The following HOXC12 variants were observed in gnomAD, a reference collection of about 807,000 sequenced individuals.
HOXC12 encodes the protein homeobox protein Hox-C12.
In HOXC12, 24 loss-of-function variants were observed where a neutral mutation model predicts 20.9. The ratio of observed to expected loss-of-function variants is 1.15; its 90% CI spans 0.83 to 1.61. HOXC12 has a LOEUF of 1.61. Ranked by LOEUF, HOXC12 falls within the 40% of genes most tolerant of loss-of-function variation. The pLI is 0.00. For missense variants in HOXC12, 436 were observed against 406.9 expected, an observed-to-expected ratio of 1.07 and a Z score of -0.62; for synonymous variants, 202 against 197.7, an observed-to-expected ratio of 1.02 and a Z score of -0.18.
rs779026401 is a variant in HOXC12 at position 53,955,232 on chromosome 12, G to A, written c.303G>A (p.Glu101=). ...GKGYYREPCA[E]GGGGGLKREE... ...GTTACTACCGCGAGCCGTGCGCCGA[G>A]GGTGGCGGCGGGGGCCTGAAGCGTG... Residue 101 remains glutamate, a synonymous_variant, in exon 1 of 2, where the codon GAG becomes GAA. Transcript: ENST00000243103. 6 of 1,590,668 alleles carry A rather than the reference G, an allele frequency of 3.8e-6. No individual in the cohort carries two copies. Among genetic ancestry groups the A allele is most frequent in the Non-Finnish European group, 5.1e-6 (6 of 1,169,432 alleles).
Position 53,955,468 on chromosome 12 carries a change from A to G in HOXC12, c.539A>G (p.Lys180Arg). Residue 180 changes from lysine to arginine, a missense_variant, in exon 1 of 2, where the codon AAG (lysine) becomes AGG (arginine). Transcript: ENST00000243103. Reference protein sequence around the residue: ...SSSSLLNEGNKGAGAGDPGSL... With the variant: ...SSSSLLNEGNRGAGAGDPGSL... ...TCGTCCCTGCTCAACGAGGGCAACA[A>G]GGGCGCCGGCGCAGGCGACCCCGGC... The G allele has an allele frequency of 6.6e-7, 1 of 1,505,478 alleles. No homozygotes were observed. Among genetic ancestry groups the G allele is most frequent in the Non-Finnish European group, 8.8e-7 (1 of 1,133,418 alleles). 93.3% of individuals were successfully genotyped at this position (1,505,478 alleles called of 1,614,324 possible).
At position 53,956,369 on chromosome 12, in the gene HOXC12, C is replaced by A. The variant is rs771326878; in HGVS notation, c.652C>A (p.Arg218Ser). ...YPINSRSRKK[R>S]KPYSKLQLAE... is the part of the protein sequence containing the mutation. ...GATCAACAGCCGCTCTCGGAAGAAG[C>A]GCAAGCCCTATTCGAAGTTGCAACT... Residue 218 changes from arginine (R) to serine (S), a missense_variant, in exon 2 of 2, where the codon CGC (arginine) becomes AGC (serine). By Grantham distance (110) the Arg-to-Ser change is moderately radical. Transcript: ENST00000243103. 1.9e-6 allele frequency: 3 copies of A among 1,610,080 alleles called. No homozygotes were observed. The highest frequency in any genetic ancestry group is 1.1e-5 in the South Asian group (1 of 90,446).
At position 53,957,367 on chromosome 12, in the gene HOXC12, G is replaced by T. The variant is rs1403822843; in HGVS notation, c.*801G>T. 1.3e-5 allele frequency: 2 copies of T among 152,384 alleles called. No homozygotes were observed. The highest frequency in any genetic ancestry group is 1.9e-4 in the East Asian group (1 of 5,194). The allele number at this position is 152,384 out of a possible 1,614,324, so 9.4% of individuals were successfully genotyped here. On this transcript the variant is annotated 3_prime_UTR_variant, in exon 2 of 2. Coordinates refer to ENST00000243103, the MANE Select transcript of HOXC12 (RefSeq NM_173860.3). The stretch of plus-strand genomic sequence containing the variant: ...CATCCACTCCTCCGTTGCCTGCGGT[G>T]GCTGCAGGCCTGATGCAGCAAGCAG...
Position 53,955,380 on chromosome 12 carries a change from G to C in HOXC12, c.451G>C (p.Gly151Arg). The C allele has an allele frequency of 6.8e-7, 1 of 1,465,262 alleles. No individual in the cohort carries two copies. The allele number at this position is 1,465,262 out of a possible 1,614,324, so 90.8% of individuals were successfully genotyped here. ...GGCGGGCGGCGGCGGTGGCGACGGCGGCGGCGGCGCAGGACCTCCGCACGA... is the reference window on the plus strand; with the variant it reads ...GGCGGGCGGCGGCGGTGGCGACGGCCGCGGCGGCGCAGGACCTCCGCACGA... ...YAAGGGGGDG[G>R]GGAGPPHDPP... Residue 151 changes from glycine to arginine, a missense_variant, in exon 1 of 2, where the codon GGC becomes CGC. By Grantham distance (125) the Gly-to-Arg change is moderately radical (BLOSUM62 -2). Coordinates refer to ENST00000243103, the MANE Select transcript of HOXC12 (RefSeq NM_173860.3).
At chr12:53,956,237 C>G (rs555869963) in intron 1 of HOXC12, 91 bp from the exon 2 acceptor site, 7 of 996,492 alleles carry the variant, frequency 7.0e-6, no homozygotes, top group South Asian at 1.8e-5. Context: ...AGCTGTGAGG[C>G]GAAGGTGAAA....
rs1938898307 is a variant in HOXC12 at position 53,958,085 on chromosome 12, G to A, written c.*1519G>A. On this transcript the variant is annotated 3_prime_UTR_variant, in exon 2 of 2. Transcript: ENST00000243103. ...GTCCGGCCCTTTCCAGGAGCAAGAGGGGTGAGAAGCAGGGCACTGATGGGA... is the reference window on the plus strand; with the variant it reads ...GTCCGGCCCTTTCCAGGAGCAAGAGAGGTGAGAAGCAGGGCACTGATGGGA... 1 of 152,504 alleles carries A rather than the reference G, an allele frequency of 6.6e-6. No individual in the cohort carries two copies. The highest frequency in any genetic ancestry group is 2.1e-4 in the South Asian group (1 of 4,830). 9.4% of individuals were successfully genotyped at this position (152,504 alleles called of 1,614,324 possible).
Position 53,956,327 on chromosome 12 carries a change from GGC to G in HOXC12, c.615_616del (p.Pro206LeufsTer48). On this transcript the variant is annotated frameshift_variant and splice_region_variant, in exon 2 of 2. Coordinates refer to ENST00000243103, the MANE Select transcript of HOXC12 (RefSeq NM_173860.3). LOFTEE classifies it high-confidence loss of function. ...AACCCCTGCCATTCATCTCCACCCA[GGC>G]GCGCCCTGGTACCCGATCAACAGCC... The part of the protein sequence containing the change: ...LNPGGGLSAS[G>X]APWYPINSRS... The G allele has an allele frequency of 6.3e-7, 1 of 1,584,456 alleles. No homozygotes were observed. Among genetic ancestry groups the G allele is most frequent in the Non-Finnish European group, 8.6e-7 (1 of 1,164,886 alleles).
At chr12:53,956,278 T>A in intron 1 of HOXC12, 50 bp from the exon 2 acceptor site, 1 of 1,467,596 alleles carries the variant, frequency 6.8e-7, no homozygotes. Flanking sequence ...GGCACTGGAC[T>A]GGTCACCCTT....
In HOXC12 at chr12:53,954,916, C is replaced by G. The variant is rs1050489471; in HGVS notation, c.-14C>G. ...TAGCAATAAAGTAGAAGCTGCCGGT[C>G]GGGCCCCGCGGAAATGGGCGAGCAT... On this transcript the variant is annotated 5_prime_UTR_variant, in exon 1 of 2. Coordinates refer to ENST00000243103, the MANE Select transcript of HOXC12 (RefSeq NM_173860.3). The G allele has an allele frequency of 4.4e-6, 7 of 1,600,976 alleles. No homozygotes were observed. In the African/African-American group the frequency reaches 9.4e-5, roughly 21 times the overall value.
chr12:53,956,387 T>C lies in HOXC12; in HGVS notation c.670T>C (p.Leu224=), dbSNP rs775806170. ...SRKKRKPYSK[L]QLAELEGEFL... ...GAAGAAGCGCAAGCCCTATTCGAAG[T>C]TGCAACTGGCAGAGCTGGAGGGCGA... The change falls in exon 2 of 2, where the codon TTG becomes CTG. Residue 224 remains leucine, a synonymous_variant. Transcript: ENST00000243103. 87 of 1,612,256 alleles carry C rather than the reference T, an allele frequency of 5.4e-5. No individual in the cohort carries two copies. The highest frequency in any genetic ancestry group is 7.4e-5 in the Non-Finnish European group (87 of 1,179,342).
Position 53,955,273 on chromosome 12 carries a change from A to G in HOXC12, c.344A>G (p.Asp115Gly), listed in dbSNP as rs1240323261. The G allele has an allele frequency of 1.4e-6, 2 of 1,452,856 alleles. No individual in the cohort carries two copies. Among genetic ancestry groups the G allele is most frequent in the Non-Finnish European group, 1.8e-6 (2 of 1,109,736 alleles). The allele number at this position is 1,452,856 out of a possible 1,614,324, so 90.0% of individuals were successfully genotyped here. ...CTGAAGCGTGAGGAGCGCGGGCGCG[A>G]CCCGGGAGCCGGGCCCGGGGCAGCG... ...GGLKREERGR[D>G]PGAGPGAALL... Residue 115 changes from aspartate to glycine, a missense_variant, in exon 1 of 2, where the codon GAC becomes GGC. Transcript: ENST00000243103.
intron 1 of HOXC12, 105 bp downstream of exon 1, chr12:53,955,644 G>C: frequency 2.5e-6 from 3 of 1,206,136 alleles, no homozygotes; most frequent in Non-Finnish European, 3.1e-6. Flanking sequence ...AATGTGTGGC[G>C]AGGAAGAGCT....
intron 1 of HOXC12, among the ~76,000 whole-genome samples, chr12:53,956,023 G>T (rs973017099): frequency 2.0e-5 from 3 of 152,068 alleles, no homozygotes; most frequent in Non-Finnish European, 4.4e-5. Flanking sequence ...ATTGGGGAGA[G>T]GTTTGGGAAA....
In HOXC12 at chr12:53,955,421, G is replaced by C; in HGVS notation, c.492G>C (p.Gln164His). The change falls in exon 1 of 2, where the codon CAG becomes CAC. Residue 164 changes from glutamine (Q) to histidine (H), a missense_variant. Physicochemically the swap from Gln to His is conservative, Grantham distance 24. Coordinates refer to ENST00000243103, the MANE Select transcript of HOXC12 (RefSeq NM_173860.3). The stretch of plus-strand genomic sequence containing the variant: ...CTCCGCACGACCCGCCCTCCTGCCA[G>C]TCGCTGGAATCCGACTCCAGTTCGT... ...AGPPHDPPSCQSLESDSSSSL... is the reference protein window; with the variant it reads ...AGPPHDPPSCHSLESDSSSSL... 1 of 1,501,644 alleles carries C rather than the reference G, an allele frequency of 6.7e-7. No homozygotes were observed. The highest frequency in any genetic ancestry group is 8.8e-7 in the Non-Finnish European group (1 of 1,130,294). The allele number at this position is 1,501,644 out of a possible 1,614,324, so 93.0% of individuals were successfully genotyped here.
At chr12:53,955,620 G>T in intron 1 of HOXC12, 81 bp downstream of exon 1, 1 of 1,266,780 alleles carries the variant, frequency 7.9e-7, no homozygotes, top group Middle Eastern at 3.0e-4. Context: ...AGCTAGGGAC[G>T]CCCAGGGTGA....
chr12:53,955,999 T>C (rs1005187268), intron 1 of HOXC12, among the ~76,000 whole-genome samples: 2 of 151,412 alleles, frequency 1.3e-5, no homozygotes, highest in Admixed American at 6.6e-5. Context: ...GACCAGGAAA[T>C]AGGGAAGAAG....
Position 53,956,637 on chromosome 12 carries a change from G to C in HOXC12, c.*71G>C, listed in dbSNP as rs956060533. On this transcript the variant is annotated 3_prime_UTR_variant, in exon 2 of 2. Coordinates refer to ENST00000243103, the MANE Select transcript of HOXC12 (RefSeq NM_173860.3). ...AGAGAGCAAAAGAGGGCGCCGCCTA[G>C]AACACAGTCCCCACTTAGAACGCCA... 5.3e-6 allele frequency: 6 copies of C among 1,131,594 alleles called. No individual in the cohort carries two copies. In the Admixed American group the frequency reaches 6.8e-5, roughly 13 times the overall value. The allele number at this position is 1,131,594 out of a possible 1,614,324, so 70.1% of individuals were successfully genotyped here. A position where few individuals can be genotyped will look rare whatever the true frequency, so the allele number is the denominator to read the frequency against.
Position 53,956,628 on chromosome 12 carries a change from C to T in HOXC12, c.*62C>T, listed in dbSNP as rs34427788. The T allele has an allele frequency of 0.083, 105,872 of 1,274,164 alleles. 5,035 individuals carry two copies. Among genetic ancestry groups the T allele is most frequent in the African/African-American group, 0.16 (10,528 of 66,564 alleles). The allele number at this position is 1,274,164 out of a possible 1,614,324, so 78.9% of individuals were successfully genotyped here. A position where few individuals can be genotyped will look rare whatever the true frequency, so the allele number is the denominator to read the frequency against. ...GTCCCTGGCAGAGAGCAAAAGAGGG[C>T]GCCGCCTAGAACACAGTCCCCACTT... On this transcript the variant is annotated 3_prime_UTR_variant, in exon 2 of 2. Transcript: ENST00000243103.
rs1423788933 is a variant in HOXC12 at position 53,958,810 on chromosome 12, G to A, written c.*2244G>A. The A allele has an allele frequency of 2.6e-5, 4 of 152,142 alleles. No individual in the cohort carries two copies. The highest frequency in any genetic ancestry group is 9.7e-5 in the African/African-American group (4 of 41,390). The allele number at this position is 152,142 out of a possible 1,614,324, so 9.4% of individuals were successfully genotyped here. A position where few individuals can be genotyped will look rare whatever the true frequency, so the allele number is the denominator to read the frequency against. ...CCTAGTGTAGTCCCTGTGGATAGTT[G>A]CCCTTCCCCTAGCTGCCTCCCCAGC... On this transcript the variant is annotated 3_prime_UTR_variant, in exon 2 of 2. Coordinates refer to ENST00000243103, the MANE Select transcript of HOXC12 (RefSeq NM_173860.3).
Sources: allele counts gnomAD v4.1 joint callset (sites outside exome capture counted in the v4.1 genomes callset), GRCh38; gene constraint gnomAD v4.1.1; transcripts MANE v1.5; gene names NCBI Gene and HGNC (gene_info 2026-07-23, HGNC 2026-07-21).